The following EBF1 variants were observed in gnomAD, a reference collection of about 807,000 sequenced individuals.
EBF1 encodes EBF transcription factor 1.
EBF1 carries 10 observed loss-of-function variants against 68.4 expected under a neutral mutation model. The observed-to-expected ratio is 0.15, with a 90% confidence interval of 0.09 to 0.25. The LOEUF is 0.25. EBF1 is among the 10% of genes least tolerant of loss of function. The probability of loss-of-function intolerance (pLI) is 1.00; values close to 1 mark genes in which losing one functional copy is unlikely to be tolerated. For missense variants in EBF1, 509 were observed against 794.4 expected, an observed-to-expected ratio of 0.64 and a Z score of 4.32; for synonymous variants, 298 against 299.8, an observed-to-expected ratio of 0.99 and a Z score of 0.06.
intron 6 of EBF1, among the ~76,000 whole-genome samples, chr5:158,980,109 A>G (rs1757610918): frequency 6.6e-6 from 1 of 152,250 alleles, no homozygotes; most frequent in South Asian, 2.1e-4. Context: ...AGAAAGAATA[A>G]TAACAGGAGG....
Position 158,954,587 on chromosome 5 carries a change from A to T in EBF1, c.555-114477T>A, listed in dbSNP as rs138623741. On this transcript the variant is annotated intron_variant, in intron 6 of 15. Transcript: ENST00000313708. ...ATTGGCATTGGCTTCTAACCTAATG[A>T]GGGGGTACGGAGAATTTAGAGACAG... Among the ~76,000 whole-genome samples, 790 of 152,310 alleles carry T rather than the reference A, an allele frequency of 5.2e-3. 4 individuals carry two copies. Among genetic ancestry groups the T allele is most frequent in the Non-Finnish European group, 9.3e-3 (632 of 68,026 alleles).
intron 6 of EBF1, chr5:158,984,898 T>G (rs1758714464): frequency 6.6e-6 from 1 of 151,942 alleles, no homozygotes; most frequent in Non-Finnish European, 1.5e-5. Flanking sequence ...TTAGCCAAAA[T>G]GGTCTCAATC....
At chr5:158,736,796 A>G (rs1342718718) in intron 10 of EBF1, among the ~76,000 whole-genome samples, 2 of 152,264 alleles carry the variant, frequency 1.3e-5, no homozygotes, top group Non-Finnish European at 1.5e-5. Flanking sequence ...ATTAACAACC[A>G]GAGGTAAACA....
chr5:158,902,595 TTTATTATTATTATTATTA>T (rs60535761), intron 6 of EBF1, among the ~76,000 whole-genome samples: 1 of 147,162 alleles, frequency 6.8e-6, no homozygotes, highest in African/African-American at 2.5e-5. Flanking sequence ...CCTGAATAAT[TTTATTATTATTATTATTA>T]TTATTATCAT....
At chr5:158,894,843 TCAATTCG>T (rs1801862325) in intron 6 of EBF1, among the ~76,000 whole-genome samples, 1 of 152,192 alleles carries the variant, frequency 6.6e-6, no homozygotes, top group Non-Finnish European at 1.5e-5. Flanking sequence ...TTATAAAGTA[TCAATTCG>T]CCCACATCTC....
intron 14 of EBF1, among the ~76,000 whole-genome samples, chr5:158,709,179 G>T (rs576705793): frequency 1.3e-5 from 2 of 152,278 alleles, no homozygotes; most frequent in South Asian, 4.1e-4. Context: ...CTGCAGGAAA[G>T]TATGTATCCT....
At chr5:159,080,681 T>C (rs971658975) in intron 5 of EBF1, among the ~76,000 whole-genome samples, 4 of 152,246 alleles carry the variant, frequency 2.6e-5, no homozygotes, top group Non-Finnish European at 1.5e-5. Context: ...ATTCAGTACT[T>C]ACTGTGTGTA....
intron 7 of EBF1, among the ~76,000 whole-genome samples, chr5:158,825,917 T>C (rs554528588): frequency 5.3e-5 from 8 of 151,512 alleles, no homozygotes; most frequent in Admixed American, 2.6e-4. Context: ...CAGAGCGACT[T>C]GTAAATTAAA....
chr5:158,816,692 C>A (rs1226496207), intron 8 of EBF1, among the ~76,000 whole-genome samples: 1 of 151,950 alleles, frequency 6.6e-6, no homozygotes, highest in Non-Finnish European at 1.5e-5. Flanking sequence ...ACTCTAAAGA[C>A]CATGAAAAGG....
chr5:158,976,709 C>A (rs1236431678), intron 6 of EBF1, among the ~76,000 whole-genome samples: 1 of 152,046 alleles, frequency 6.6e-6, no homozygotes, highest in African/African-American at 2.4e-5. Flanking sequence ...ATTATAATTG[C>A]CATGCCAAAA....
chr5:158,996,245 T>C (rs1392346418), intron 6 of EBF1, among the ~76,000 whole-genome samples: 1 of 152,244 alleles, frequency 6.6e-6, no homozygotes, highest in East Asian at 1.9e-4. Flanking sequence ...CTTAGTGTTG[T>C]TTTAACCAGA....
intron 14 of EBF1, among the ~76,000 whole-genome samples, chr5:158,709,439 A>C (rs1758665011): frequency 6.6e-6 from 1 of 152,212 alleles, no homozygotes; most frequent in South Asian, 2.1e-4. Context: ...ATCACGCCCA[A>C]ATTTGGAGCT....
intron 6 of EBF1, among the ~76,000 whole-genome samples, chr5:158,865,416 C>A (rs561108101): frequency 3.9e-5 from 6 of 152,264 alleles, no homozygotes; most frequent in African/African-American, 1.4e-4. Context: ...AAAATGAGAA[C>A]TATAGTATCT....
At chr5:158,925,987 G>A (rs1809614054) in intron 6 of EBF1, among the ~76,000 whole-genome samples, 1 of 152,090 alleles carries the variant, frequency 6.6e-6, no homozygotes, top group Non-Finnish European at 1.5e-5. Flanking sequence ...GAATCAAAAT[G>A]GTACAAGAGG....
In EBF1 at chr5:159,096,687, G is replaced by A. The variant is rs139288876; in HGVS notation, c.292-281C>T. 4,363 of 604,794 alleles carry A rather than the reference G, an allele frequency of 7.2e-3. 109 individuals are homozygous for A. Among genetic ancestry groups the A allele is most frequent in the African/African-American group, 0.063 (3,422 of 53,994 alleles). 37.5% of individuals were successfully genotyped at this position (604,794 alleles called of 1,614,324 possible). On this transcript the variant is annotated intron_variant, in intron 2 of 15. Transcript: ENST00000313708. ...CCCGGCCACCAGAGGCAGGCGGTGC[G>A]TAATCTGGTAGTGGAGGGCGGGTTC...
intron 3 of EBF1, 109 bp from the exon 4 acceptor site, chr5:159,095,784 A>G: frequency 8.8e-7 from 1 of 1,141,322 alleles, no homozygotes; most frequent in Non-Finnish European, 1.3e-6. Flanking sequence ...CCACACACAT[A>G]TCACGAAAGG....
At chr5:158,921,389 A>G (rs1318690104) in intron 6 of EBF1, among the ~76,000 whole-genome samples, 1 of 152,240 alleles carries the variant, frequency 6.6e-6, no homozygotes, top group East Asian at 1.9e-4. Flanking sequence ...CAACCAGCTG[A>G]CACTGAAAAT....
chr5:159,038,024 G>A (rs1199425760), intron 6 of EBF1, among the ~76,000 whole-genome samples: 2 of 152,150 alleles, frequency 1.3e-5, no homozygotes, highest in East Asian at 3.8e-4. Flanking sequence ...GGCTGCCAAG[G>A]CTATTTTTGA....
At chr5:158,990,303 C>T (rs1760045699) in intron 6 of EBF1, among the ~76,000 whole-genome samples, 1 of 152,200 alleles carries the variant, frequency 6.6e-6, no homozygotes, top group Non-Finnish European at 1.5e-5. Flanking sequence ...CAACATTCAG[C>T]AATCCTGGCT....
Sources: gnomAD v4.1 joint callset for allele counts (sites outside exome capture counted in the v4.1 genomes callset) on GRCh38, gnomAD v4.1.1 for gene constraint, MANE v1.5 for transcripts, NCBI Gene and HGNC (gene_info 2026-07-23, HGNC 2026-07-21) for gene names.